DNAH5: variants seen among roughly 807,000 people sequenced by gnomAD.
DNAH5 encodes the protein axonemal beta dynein heavy chain 5.
DNAH5 carries 372 observed loss-of-function variants against 518.2 expected under a neutral mutation model. That is an observed-to-expected ratio of 0.72 (90% CI 0.66 to 0.78). The LOEUF is 0.78. Ranked by LOEUF, DNAH5 falls within the 30% of genes least tolerant of loss-of-function variation. DNAH5 has a pLI of 0.00. For missense variants in DNAH5, 5,523 were observed against 5,687.0 expected (o/e 0.97, Z 0.93); for synonymous variants, 2,039 against 2,025.9 (o/e 1.01, Z -0.17).
intron 1 of DNAH5, among the ~76,000 whole-genome samples, chr5:14,002,271 T>C (rs1019992680): frequency 6.6e-6 from 1 of 152,168 alleles, no homozygotes; most frequent in Non-Finnish European, 1.5e-5. Flanking sequence ...AGATGCATAG[T>C]TCTAATGAAG....
Position 13,900,195 on chromosome 5 carries a change from A to T in DNAH5, c.2259+11T>A. 6.2e-7 allele frequency: 1 copy of T among 1,606,858 alleles called. No individual in the cohort carries two copies. Among genetic ancestry groups the T allele is most frequent in the Non-Finnish European group, 8.5e-7 (1 of 1,173,520 alleles). Reference sequence around the variant, plus strand: ...AGCCAAGAATGGGGGGAAAAAATAAAAGTAGTATACCTTCATGTTACTGAA... The same window carrying T: ...AGCCAAGAATGGGGGGAAAAAATAATAGTAGTATACCTTCATGTTACTGAA... On this transcript the variant is annotated intron_variant, in intron 15 of 78. Coordinates refer to ENST00000265104, the MANE Select transcript of DNAH5 (RefSeq NM_001369.3).
At chr5:13,772,817 G>A (rs1002232957) in intron 55 of DNAH5, among the ~76,000 whole-genome samples, 1 of 152,126 alleles carries the variant, frequency 6.6e-6, no homozygotes, top group African/African-American at 2.4e-5. Flanking sequence ...TAAATGAAAT[G>A]CTAACACAAA....
At chr5:13,899,975 A>G (rs529149509) in intron 15 of DNAH5, 36 of 550,776 alleles carry the variant, frequency 6.5e-5, no homozygotes, top group African/African-American at 2.5e-4. Context: ...AAATCCTCCA[A>G]TGGTTTCCTG....
intron 52 of DNAH5, among the ~76,000 whole-genome samples, chr5:13,785,674 C>T (rs1468284953): frequency 2.6e-5 from 4 of 152,174 alleles, no homozygotes; most frequent in Non-Finnish European, 5.9e-5. Flanking sequence ...ACTCCCCAAT[C>T]GTCTCTCCAC....
At chr5:13,849,789 C>G (rs1766568214) in intron 31 of DNAH5, among the ~76,000 whole-genome samples, 1 of 152,164 alleles carries the variant, frequency 6.6e-6, no homozygotes, top group Non-Finnish European at 1.5e-5. Flanking sequence ...GTCTTTTTTC[C>G]ATTTTTAGCA....
intron 11 of DNAH5, 105 bp from the exon 12 acceptor site, chr5:13,911,598 A>C: frequency 1.3e-6 from 1 of 783,944 alleles, no homozygotes; most frequent in Non-Finnish European, 2.0e-6. Flanking sequence ...CCAGAAAAAA[A>C]ATAAGTTTAA....
At chr5:13,989,239 C>G (rs1379601298) in intron 1 of DNAH5, among the ~76,000 whole-genome samples, 1 of 152,022 alleles carries the variant, frequency 6.6e-6, no homozygotes, top group East Asian at 1.9e-4. Context: ...AGGAAATATT[C>G]TACAAGAAAA....
Position 13,735,871 on chromosome 5 carries a change from C to G in DNAH5, c.11517G>C (p.Met3839Ile). ...LITEMRLVNE[M>I]YQTSLRQFLG... ...GAAACTGGCGAAGCGAAGTCTGATA[C>G]ATCTCATTAACCAAGCGCATCTCAG... The change falls in exon 67 of 79, where the codon ATG (methionine) becomes ATC (isoleucine). Residue 3839 changes from methionine to isoleucine, a missense_variant. Physicochemically the swap from Met to Ile is conservative, Grantham distance 10 (BLOSUM62 1). Transcript: ENST00000265104. The G allele has an allele frequency of 6.2e-7, 1 of 1,614,162 alleles. No individual in the cohort carries two copies. Among genetic ancestry groups the G allele is most frequent in the Non-Finnish European group, 8.5e-7 (1 of 1,180,008 alleles).
At chr5:13,835,473 T>C (rs1292035470) in intron 35 of DNAH5, among the ~76,000 whole-genome samples, 1 of 152,118 alleles carries the variant, frequency 6.6e-6, no homozygotes, top group Non-Finnish European at 1.5e-5. Context: ...ACTGGGTCCA[T>C]CCAACAGGGC....
At chr5:13,937,190 C>A (rs1481354941) in intron 1 of DNAH5, among the ~76,000 whole-genome samples, 1 of 151,208 alleles carries the variant, frequency 6.6e-6, no homozygotes, top group Non-Finnish European at 1.5e-5. Context: ...CCAAGGGCAA[C>A]TAAGAATTTT....
At chr5:13,850,935 A>G in intron 30 of DNAH5, 120 bp from the exon 31 acceptor site, 1 of 944,098 alleles carries the variant, frequency 1.1e-6, no homozygotes, top group South Asian at 1.3e-5. Flanking sequence ...TCCAAGCAAT[A>G]TATGCCTAAT....
intron 1 of DNAH5, among the ~76,000 whole-genome samples, chr5:13,984,958 G>A (rs563669399): frequency 6.6e-6 from 1 of 152,194 alleles, no homozygotes; most frequent in East Asian, 1.9e-4. Context: ...AAATCATGCT[G>A]CTATAAAGAC....
chr5:13,998,790 G>C (rs545590169), intron 1 of DNAH5, among the ~76,000 whole-genome samples: 13 of 152,314 alleles, frequency 8.5e-5, no homozygotes, highest in African/African-American at 2.6e-4. Context: ...CTAGTGGGCA[G>C]GGCTGGGATA....
At position 13,753,059 on chromosome 5, in the gene DNAH5, T is replaced by A. The variant is rs10035341; in HGVS notation, c.10872+174A>T. 0.021 allele frequency among the ~76,000 whole-genome samples: 3,158 copies of A among 152,288 alleles called. 89 individuals are homozygous for A. Among genetic ancestry groups the A allele is most frequent in the African/African-American group, 0.072 (3,012 of 41,558 alleles). ...TAGAGATCAACACAAATGCAAATAA[T>A]GAAAGTTTTAGAAAATATTTTTATA... On this transcript the variant is annotated intron_variant, in intron 63 of 78. Transcript: ENST00000265104.
intron 70 of DNAH5, among the ~76,000 whole-genome samples, chr5:13,724,231 T>C (rs1056739431): frequency 6.6e-6 from 1 of 152,248 alleles, no homozygotes; most frequent in Admixed American, 6.5e-5. Context: ...TGCACCAGTG[T>C]GCCTTGGATG....
In DNAH5 at chr5:13,766,127, T is replaced by C. The variant is rs755181591; in HGVS notation, c.9950A>G (p.His3317Arg). The C allele has an allele frequency of 1.2e-6, 2 of 1,614,088 alleles. No individual in the cohort carries two copies. Among genetic ancestry groups the C allele is most frequent in the South Asian group, 1.1e-5 (1 of 91,078 alleles). The part of the protein sequence containing the change: ...ATVRTLGRPP[H>R]LIMRIMDCVL... ...GCAATCCATGATCCGCATGATGAGGTGAGGGGGGCGGCCCAACGTGCGAAC... is the reference window on the plus strand; with the variant it reads ...GCAATCCATGATCCGCATGATGAGGCGAGGGGGGCGGCCCAACGTGCGAAC... The change falls in exon 59 of 79, where the codon CAC becomes CGC. Residue 3317 changes from histidine (H) to arginine (R), a missense_variant. His to Arg is a conservative substitution (Grantham distance 29, BLOSUM62 0). This residue lies in a region of DNAH5 where 5,121 missense variants were observed against 5,223.3 expected (regional missense o/e 0.98). Coordinates refer to ENST00000265104, the MANE Select transcript of DNAH5 (RefSeq NM_001369.3).
chr5:13,842,050 TA>T (rs147371351), intron 32 of DNAH5, 146 bp from the exon 33 acceptor site: 1,941 of 511,800 alleles, frequency 3.8e-3, no homozygotes, highest in Middle Eastern at 6.7e-3. Flanking sequence ...TTCAAAACAA[TA>T]AAAAAAAAAG....
In DNAH5 at chr5:13,864,512, C is replaced by T. The variant is rs372291214; in HGVS notation, c.4481G>A (p.Arg1494Gln). 38 of 1,613,978 alleles carry T rather than the reference C, an allele frequency of 2.4e-5. No homozygotes were observed. Among genetic ancestry groups the T allele is most frequent in the East Asian group, 6.7e-5 (3 of 44,890 alleles). ...EYMASKAMMERHWERITTLTG... is the reference protein window; with the variant it reads ...EYMASKAMMEQHWERITTLTG... ...GAGGGTGGTTATCCTTTCCCAGTGC[C>T]GCTCCATCATGGCTTTACTGGCCAT... is the stretch of plus-strand genomic sequence containing the variant. The change falls in exon 28 of 79, where the codon CGG (arginine) becomes CAG (glutamine). Residue 1494 changes from arginine (R) to glutamine (Q), a missense_variant. Coordinates refer to ENST00000265104, the MANE Select transcript of DNAH5 (RefSeq NM_001369.3).
intron 43 of DNAH5, among the ~76,000 whole-genome samples, chr5:13,812,961 T>C (rs549283230): frequency 6.6e-6 from 1 of 152,302 alleles, no homozygotes; most frequent in Non-Finnish European, 1.5e-5. Context: ...AAACATAACA[T>C]AGCACTTTTG....
Sources: allele counts gnomAD v4.1 joint callset (sites outside exome capture counted in the v4.1 genomes callset), GRCh38; gene constraint gnomAD v4.1.1; regional missense constraint gnomAD v4.1.1; transcripts MANE v1.5; gene names NCBI Gene and HGNC (gene_info 2026-07-23, HGNC 2026-07-21).